Variants in ZRANB3 observed in about 807,000 individuals in gnomAD.
The protein encoded by ZRANB3 is zinc finger RANBP2-type containing 3, also known as DNA annealing helicase and endonuclease ZRANB3.
ZRANB3 carries 125 observed loss-of-function variants against 133.8 expected under a neutral mutation model. The ratio of observed to expected loss-of-function variants is 0.93; its 90% CI spans 0.81 to 1.08. The LOEUF (loss-of-function observed/expected upper bound fraction) is 1.08, where lower values mean the gene tolerates loss of function less well. Among genes scored for constraint, ZRANB3 ranks in the 50% least tolerant of loss-of-function variants. ZRANB3 has a pLI of 0.00. For synonymous variants in ZRANB3, 387 were observed against 432.7 expected (o/e 0.89, Z 1.31); for missense variants, 1,229 against 1,275.5 (o/e 0.96, Z 0.56).
intron 12 of ZRANB3, among the ~76,000 whole-genome samples, chr2:135,237,220 G>A (rs1573733587): frequency 1.3e-5 from 2 of 151,332 alleles, no homozygotes; most frequent in African/African-American, 4.9e-5. Flanking sequence ...TCAGAGAAAT[G>A]CAAATCAAAA....
chr2:135,479,235 C>T (rs565687407), intron 2 of ZRANB3, among the ~76,000 whole-genome samples: 6 of 152,112 alleles, frequency 3.9e-5, no homozygotes, highest in African/African-American at 7.2e-5. Flanking sequence ...AATTTTATTC[C>T]GAAATTCACA....
rs1268342214 is a variant in ZRANB3 at position 135,345,584 on chromosome 2, C to T, written c.643G>A (p.Asp215Asn). Residue 215 changes from aspartate to asparagine, a missense_variant, in exon 6 of 21, where the codon GAC becomes AAC. Physicochemically the swap from Asp to Asn is conservative, Grantham distance 23 (BLOSUM62 1). Coordinates refer to ENST00000264159, the MANE Select transcript of ZRANB3 (RefSeq NM_032143.4). The part of the protein sequence containing the change: ...LFPQKFGRWT[D>N]YAKRYCNAHI... ...GCATTACAGTATCTTTTTGCATAGT[C>T]GGTCCATCTTCCAAATTTTTGTGGA... 8.1e-6 allele frequency: 13 copies of T among 1,612,498 alleles called. No individual in the cohort carries two copies. Among genetic ancestry groups the T allele is most frequent in the East Asian group, 2.2e-5 (1 of 44,864 alleles).
chr2:135,236,384 A>G (rs975177152), intron 12 of ZRANB3, among the ~76,000 whole-genome samples: 8 of 152,142 alleles, frequency 5.3e-5, no homozygotes, highest in Non-Finnish European at 8.8e-5. Context: ...TATAGATTCA[A>G]TGCCATCCCC....
At chr2:135,372,392 C>G (rs1686223253) in intron 3 of ZRANB3, among the ~76,000 whole-genome samples, 1 of 152,194 alleles carries the variant, frequency 6.6e-6, no homozygotes, top group Admixed American at 6.5e-5. Context: ...CAGATGGGAT[C>G]AAGACAATCC....
chr2:135,528,423 C>T, intron 1 of ZRANB3, among the ~76,000 whole-genome samples: 1 of 152,184 alleles, frequency 6.6e-6, no homozygotes, highest in East Asian at 1.9e-4. Context: ...GCTGGGATTA[C>T]AGGTATGAGC....
chr2:135,521,662 C>T (rs1164452850), intron 1 of ZRANB3, among the ~76,000 whole-genome samples: 4 of 152,158 alleles, frequency 2.6e-5, no homozygotes, highest in African/African-American at 9.7e-5. Flanking sequence ...GTAAACAACA[C>T]AACACAATGC....
At chr2:135,281,103 T>G (rs1174167491) in intron 8 of ZRANB3, among the ~76,000 whole-genome samples, 1 of 152,244 alleles carries the variant, frequency 6.6e-6, no homozygotes, top group African/African-American at 2.4e-5. Context: ...TATAAATCTC[T>G]ACTTGTCCTT....
intron 12 of ZRANB3, 125 bp downstream of exon 12, chr2:135,265,409 A>G: frequency 9.0e-7 from 1 of 1,112,606 alleles, no homozygotes; most frequent in Non-Finnish European, 1.2e-6. Flanking sequence ...GAGGGTTTCC[A>G]GCTTTATGTG....
chr2:135,328,808 G>A (rs1373170888), intron 6 of ZRANB3, among the ~76,000 whole-genome samples: 1 of 152,222 alleles, frequency 6.6e-6, no homozygotes, highest in Non-Finnish European at 1.5e-5. Context: ...TTCCTCTGAT[G>A]AGCAGTGATG....
intron 14 of ZRANB3, among the ~76,000 whole-genome samples, chr2:135,225,777 T>C (rs1336677473): frequency 1.3e-5 from 2 of 152,218 alleles, no homozygotes; most frequent in Non-Finnish European, 2.9e-5. Context: ...AAACTTGGTA[T>C]TAAAGAAGCA....
At chr2:135,346,221 C>T (rs1026597440) in intron 5 of ZRANB3, among the ~76,000 whole-genome samples, 6 of 152,128 alleles carry the variant, frequency 3.9e-5, no homozygotes, top group Non-Finnish European at 7.4e-5. Context: ...CTCAGCCTCC[C>T]GAGTAGCTTG....
At chr2:135,229,428 C>T (rs1026932650) in intron 13 of ZRANB3, among the ~76,000 whole-genome samples, 2 of 147,430 alleles carry the variant, frequency 1.4e-5, no homozygotes, top group African/African-American at 2.5e-5. Context: ...AGTGCAGTGG[C>T]GCGATCTCGG....
intron 2 of ZRANB3, among the ~76,000 whole-genome samples, chr2:135,423,480 C>T (rs992527490): frequency 3.9e-5 from 6 of 152,140 alleles, no homozygotes; most frequent in African/African-American, 1.4e-4. Context: ...TGTAAAACCA[C>T]CAGTCACTGG....
chr2:135,292,296 T>C (rs1209286623), intron 8 of ZRANB3, among the ~76,000 whole-genome samples: 2 of 152,166 alleles, frequency 1.3e-5, no homozygotes. Flanking sequence ...TTCTAACTGG[T>C]GTGAGATGGT....
chr2:135,326,334 T>A (rs1366646474), intron 6 of ZRANB3, among the ~76,000 whole-genome samples: 1 of 152,172 alleles, frequency 6.6e-6, no homozygotes, highest in African/African-American at 2.4e-5. Flanking sequence ...TTGTGAAATT[T>A]TGGCGCACCC....
chr2:135,372,923 A>G (rs1208866646), intron 3 of ZRANB3, among the ~76,000 whole-genome samples: 2 of 152,060 alleles, frequency 1.3e-5, no homozygotes, highest in Non-Finnish European at 2.9e-5. Flanking sequence ...TCTAAAAAAA[A>G]ATTAAAAAAT....
At chr2:135,323,782 T>C (rs1010540397) in intron 6 of ZRANB3, among the ~76,000 whole-genome samples, 21 of 151,880 alleles carry the variant, frequency 1.4e-4, no homozygotes, top group African/African-American at 4.8e-4. Flanking sequence ...GGAGTCTTGC[T>C]CTCCATCTCA....
chr2:135,227,877 G>A lies in ZRANB3; in HGVS notation c.2093C>T (p.Ala698Val). The A allele has an allele frequency of 6.4e-7, 1 of 1,572,738 alleles. No homozygotes were observed. Among genetic ancestry groups the A allele is most frequent in the African/African-American group, 1.3e-5 (1 of 74,432 alleles). Reference sequence around the variant, plus strand: ...TTTTGGTGTTTCTTCCTTGCTGTCAGCCAACTGGCCAGGTTCTGACTGTGC... The same window carrying A: ...TTTTGGTGTTTCTTCCTTGCTGTCAACCAACTGGCCAGGTTCTGACTGTGC... ...ALAQSEPGQL[A>V]DSKEETPKIE... is the part of the protein sequence containing the mutation. The change falls in exon 14 of 21, where the codon GCT becomes GTT. Residue 698 changes from alanine to valine, a missense_variant. Physicochemically the swap from Ala to Val is moderately conservative, Grantham distance 64. Transcript: ENST00000264159.
At chr2:135,359,018 G>A (rs1006573411) in intron 3 of ZRANB3, among the ~76,000 whole-genome samples, 4 of 151,504 alleles carry the variant, frequency 2.6e-5, no homozygotes, top group East Asian at 2.0e-4. Context: ...TTGGGAGCCT[G>A]CCCTCCTCAT....
Sources: allele counts gnomAD v4.1 joint callset (sites outside exome capture counted in the v4.1 genomes callset), GRCh38; gene constraint gnomAD v4.1.1; transcripts MANE v1.5; gene names NCBI Gene and HGNC (gene_info 2026-07-23, HGNC 2026-07-21).